Variants in CEP112 observed in about 807,000 individuals in gnomAD.
The protein encoded by CEP112 is centrosomal protein of 112 kDa.
Under a neutral mutation model 153.0 loss-of-function variants are expected in CEP112, and 127 were observed. The observed-to-expected ratio is 0.83, with a 90% CI of 0.72 to 0.96. The LOEUF (loss-of-function observed/expected upper bound fraction) is 0.96, where lower values mean the gene tolerates loss of function less well. Among genes scored for constraint, CEP112 ranks in the 40% least tolerant of loss-of-function variants. The probability of loss-of-function intolerance (pLI) is 0.00; values close to 1 mark genes in which losing one functional copy is unlikely to be tolerated. For missense variants in CEP112, 1,089 were observed against 1,101.2 expected (o/e 0.99, Z 0.16); for synonymous variants, 358 against 374.4 (o/e 0.96, Z 0.51).
chr17:66,015,037 G>A lies in CEP112; in HGVS notation c.1657-9268C>T, dbSNP rs192403798. 4.1e-3 allele frequency among the ~76,000 whole-genome samples: 627 copies of A among 152,258 alleles called. 3 individuals are homozygous for A. The highest frequency in any genetic ancestry group is 6.6e-3 in the Non-Finnish European group (447 of 68,022). On this transcript the variant is annotated intron_variant, in intron 16 of 26. Coordinates refer to ENST00000535342, the MANE Select transcript of CEP112 (RefSeq NM_001199165.4). Reference sequence around the variant, plus strand: ...TTGCTGGTATTTTGTCAAGGACATCGTCTTTGGAAACAGATTTTAATTACA... The same window carrying A: ...TTGCTGGTATTTTGTCAAGGACATCATCTTTGGAAACAGATTTTAATTACA...
At chr17:65,931,569 A>G (rs1392436386) in intron 18 of CEP112, among the ~76,000 whole-genome samples, 1 of 152,200 alleles carries the variant, frequency 6.6e-6, no homozygotes, top group African/African-American at 2.4e-5. Context: ...AGCTATAAAC[A>G]ATGAAGGGAA....
chr17:65,726,953 A>T (rs1226026925), intron 23 of CEP112, among the ~76,000 whole-genome samples: 1 of 152,228 alleles, frequency 6.6e-6, no homozygotes, highest in African/African-American at 2.4e-5. Flanking sequence ...TTGCTCAAAC[A>T]ATCCTGCAAA....
At chr17:65,779,191 T>C (rs984186133) in intron 21 of CEP112, among the ~76,000 whole-genome samples, 1 of 152,180 alleles carries the variant, frequency 6.6e-6, no homozygotes, top group Non-Finnish European at 1.5e-5. Context: ...CCAAACATTG[T>C]ACTAAACAAT....
At chr17:66,182,320 G>C (rs2072753264) in intron 2 of CEP112, 1 of 152,184 alleles carries the variant, frequency 6.6e-6, no homozygotes, top group African/African-American at 2.4e-5. Context: ...TATAGGAAAA[G>C]ACAGAGCATA....
intron 23 of CEP112, among the ~76,000 whole-genome samples, chr17:65,725,949 T>A (rs1186248437): frequency 6.6e-6 from 1 of 152,176 alleles, no homozygotes; most frequent in Non-Finnish European, 1.5e-5. Context: ...TCAGCCACCA[T>A]GTCAGGCCAG....
intron 4 of CEP112, among the ~76,000 whole-genome samples, chr17:66,154,775 T>C (rs548919827): frequency 1.3e-5 from 2 of 152,184 alleles, no homozygotes; most frequent in East Asian, 1.9e-4. Context: ...CTGACAAAAC[T>C]ATATTAAAAT....
chr17:66,050,703 G>A (rs1338092426), intron 12 of CEP112, among the ~76,000 whole-genome samples: 1 of 152,068 alleles, frequency 6.6e-6, no homozygotes, highest in Non-Finnish European at 1.5e-5. Context: ...ATGTGTTGAA[G>A]GGCCACTTAT....
At chr17:66,084,627 T>C (rs748590837) in intron 8 of CEP112, among the ~76,000 whole-genome samples, 4 of 151,776 alleles carry the variant, frequency 2.6e-5, no homozygotes, top group African/African-American at 4.8e-5. Flanking sequence ...ATTGAACTCA[T>C]GGAGATAGAG....
intron 21 of CEP112, among the ~76,000 whole-genome samples, chr17:65,812,073 G>A (rs747862368): frequency 2.9e-4 from 44 of 151,438 alleles, no homozygotes; most frequent in Non-Finnish European, 6.2e-4. Flanking sequence ...GCTTGATCTC[G>A]GCTTACTGCA....
intron 20 of CEP112, among the ~76,000 whole-genome samples, chr17:65,891,245 T>A (rs2143174296): frequency 6.6e-6 from 1 of 152,204 alleles, no homozygotes; most frequent in South Asian, 2.1e-4. Flanking sequence ...TGAACCAGCA[T>A]CTCTATCTTA....
At chr17:66,045,824 C>T (rs1365836410) in intron 12 of CEP112, among the ~76,000 whole-genome samples, 1 of 152,158 alleles carries the variant, frequency 6.6e-6, no homozygotes, top group African/African-American at 2.4e-5. Flanking sequence ...CAACAAACTC[C>T]TGAGCTTCCC....
intron 21 of CEP112, among the ~76,000 whole-genome samples, chr17:65,844,922 G>C (rs889673849): frequency 6.0e-5 from 9 of 150,578 alleles, no homozygotes; most frequent in Admixed American, 5.3e-4. Context: ...GCTGAGGAGG[G>C]GAATCGCTTG....
At chr17:66,184,214 G>A (rs949123505) in intron 1 of CEP112, among the ~76,000 whole-genome samples, 12 of 152,114 alleles carry the variant, frequency 7.9e-5, no homozygotes, top group East Asian at 1.9e-4. Context: ...GGCCATGATC[G>A]CACCACTAAA....
intron 20 of CEP112, among the ~76,000 whole-genome samples, chr17:65,864,612 A>G (rs1385078722): frequency 2.0e-5 from 3 of 152,214 alleles, no homozygotes; most frequent in African/African-American, 7.2e-5. Context: ...TTCTGAGAGC[A>G]CGATGTCACA....
At chr17:66,010,018 AG>A (rs1171455065) in intron 16 of CEP112, among the ~76,000 whole-genome samples, 1 of 152,182 alleles carries the variant, frequency 6.6e-6, no homozygotes, top group Non-Finnish European at 1.5e-5. Flanking sequence ...GTGGTTTGAT[AG>A]GAATAGTATT....
At chr17:66,005,189 G>A (rs985764710) in intron 17 of CEP112, among the ~76,000 whole-genome samples, 1 of 152,162 alleles carries the variant, frequency 6.6e-6, no homozygotes, top group Admixed American at 6.5e-5. Context: ...TTTAGTAAAT[G>A]AATGGAGAAG....
chr17:66,104,476 C>T (rs2068694521), intron 6 of CEP112, among the ~76,000 whole-genome samples: 1 of 152,166 alleles, frequency 6.6e-6, no homozygotes, highest in Non-Finnish European at 1.5e-5. Flanking sequence ...GCAGTGACAG[C>T]TAGGCAGTAC....
intron 21 of CEP112, chr17:65,797,278 T>A (rs1324829931): frequency 6.6e-6 from 1 of 152,274 alleles, no homozygotes; most frequent in Non-Finnish European, 1.5e-5. Flanking sequence ...ACACAACTTG[T>A]TGATATTCAT....
intron 24 of CEP112, chr17:65,644,338 C>T (rs1049825043): frequency 1.8e-5 from 10 of 565,456 alleles, no homozygotes; most frequent in Admixed American, 8.5e-5. Flanking sequence ...GATGGTGAAG[C>T]CCAATGGTGA....
Sources: gnomAD v4.1 joint callset for allele counts (sites outside exome capture counted in the v4.1 genomes callset) on GRCh38, gnomAD v4.1.1 for gene constraint, MANE v1.5 for transcripts, NCBI Gene and HGNC (gene_info 2026-07-23, HGNC 2026-07-21) for gene names.